Variants in LAPTM4B observed in about 807,000 individuals in gnomAD.
The protein encoded by LAPTM4B is lysosomal-associated transmembrane protein 4B.
LAPTM4B carries 26 observed loss-of-function variants against 28.5 expected under a neutral mutation model. That is an observed-to-expected ratio of 0.91 (90% CI 0.67 to 1.27). The LOEUF (loss-of-function observed/expected upper bound fraction) is 1.27, where lower values mean the gene tolerates loss of function less well. Among genes scored for constraint, LAPTM4B ranks in the 50% most tolerant of loss-of-function variants. The probability of loss-of-function intolerance (pLI) is 0.00; values close to 1 mark genes in which losing one functional copy is unlikely to be tolerated. For missense variants in LAPTM4B, 288 were observed against 285.8 expected (o/e 1.01, Z -0.06); for synonymous variants, 109 against 106.4 (o/e 1.02, Z -0.15).
At position 97,779,123 on chromosome 8, in the gene LAPTM4B, C is replaced by T. The variant is rs760761097; in HGVS notation, c.99+3015C>T. Among the ~76,000 whole-genome samples the T allele has an allele frequency of 2.6e-5, 4 of 152,028 alleles. No individual in the cohort carries two copies. In the East Asian group the frequency reaches 5.8e-4, roughly 22 times the overall value. ...AGTCCCAGCTTGAGTCCCAGGAGTT[C>T]GAAGCTGCAGTGAGCTGTGATTGCA... On this transcript the variant is annotated intron_variant, in intron 1 of 6. Transcript: ENST00000521545.
intron 1 of LAPTM4B, among the ~76,000 whole-genome samples, chr8:97,801,272 A>G (rs7844650): frequency 0.45 from 66,630 of 146,918 alleles, 15,215 homozygotes; most frequent in East Asian, 0.58. Context: ...TCCGCCCCCC[A>G]CTGGGTTCAA....
intron 2 of LAPTM4B, among the ~76,000 whole-genome samples, chr8:97,808,886 G>A (rs1430767696): frequency 1.3e-5 from 2 of 151,968 alleles, no homozygotes; most frequent in South Asian, 2.1e-4. Context: ...GCTTTAACCC[G>A]GGAGGCAGAG....
chr8:97,851,363 A>G (rs192294491), intron 6 of LAPTM4B, 34 bp from the exon 7 acceptor site: 6 of 1,538,746 alleles, frequency 3.9e-6, no homozygotes, highest in East Asian at 2.2e-5. Flanking sequence ...GTGCTCTTCA[A>G]ACATTAACTC....
intron 1 of LAPTM4B, among the ~76,000 whole-genome samples, chr8:97,795,448 C>G (rs919024596): frequency 6.6e-6 from 1 of 152,042 alleles, no homozygotes; most frequent in Non-Finnish European, 1.5e-5. Flanking sequence ...CATAAAAGGA[C>G]GTAAAATATA....
intron 6 of LAPTM4B, among the ~76,000 whole-genome samples, chr8:97,846,678 GTTAT>G (rs1817438768): frequency 6.6e-6 from 1 of 152,006 alleles, no homozygotes; most frequent in Non-Finnish European, 1.5e-5. Flanking sequence ...TGAGCATTTT[GTTAT>G]TTATTATTAT....
intron 1 of LAPTM4B, 75 bp downstream of exon 1, chr8:97,776,183 G>C: frequency 7.0e-7 from 1 of 1,421,264 alleles, no homozygotes; most frequent in Non-Finnish European, 9.3e-7. Context: ...CCGGCCTCGC[G>C]GTGGGGTGAG....
intron 6 of LAPTM4B, among the ~76,000 whole-genome samples, chr8:97,828,181 A>C (rs2512063): frequency 0.47 from 71,362 of 151,738 alleles, 17,046 homozygotes; most frequent in East Asian, 0.58. Flanking sequence ...TGAAGTATGG[A>C]GAAAATTTAT....
At chr8:97,791,953 A>C (rs1816503694) in intron 1 of LAPTM4B, among the ~76,000 whole-genome samples, 1 of 152,164 alleles carries the variant, frequency 6.6e-6, no homozygotes, top group Non-Finnish European at 1.5e-5. Context: ...AAGACGTCCT[A>C]AAAGGATGGT....
Position 97,797,232 on chromosome 8 carries a change from T to C in LAPTM4B, c.100-8121T>C, listed in dbSNP as rs543039783. 2.0e-5 allele frequency among the ~76,000 whole-genome samples: 3 copies of C among 152,152 alleles called. No homozygotes were observed. In the South Asian group the frequency reaches 6.2e-4, roughly 32 times the overall value. ...TCACTGAAACCTCTGCTTCCCAGGT[T>C]GAAGCGATTCTCCTGCCTCAGCCTT... is the stretch of plus-strand genomic sequence containing the variant. On this transcript the variant is annotated intron_variant, in intron 1 of 6. Coordinates refer to ENST00000521545, the MANE Select transcript of LAPTM4B (RefSeq NM_018407.6).
chr8:97,777,322 A>G (rs890677474), intron 1 of LAPTM4B, among the ~76,000 whole-genome samples: 1 of 151,106 alleles, frequency 6.6e-6, no homozygotes, highest in African/African-American at 2.4e-5. Flanking sequence ...AATTTTTTGT[A>G]TTTTTAGTAG....
Position 97,834,144 on chromosome 8 carries a change from G to GAA in LAPTM4B, c.603+9004_603+9005dup, listed in dbSNP as rs554058157. On this transcript the variant is annotated intron_variant, in intron 6 of 6. Coordinates refer to ENST00000521545, the MANE Select transcript of LAPTM4B (RefSeq NM_018407.6). ...ACATAGTGAGACCCCTGTCTCTACA[G>GAA]AAAAAAAAAAAAAATCCAGGTGGCA... Among the ~76,000 whole-genome samples, 25 of 75,344 alleles carry GAA rather than the reference G, an allele frequency of 3.3e-4. 6 individuals are homozygous for GAA. The highest frequency in any genetic ancestry group is 5.7e-4 in the Non-Finnish European group (19 of 33,076). The allele number at this position is 75,344 out of a possible 152,430, so 49.4% of individuals were successfully genotyped here. A position where few individuals can be genotyped will look rare whatever the true frequency, so the allele number is the denominator to read the frequency against.
rs546425169 is a variant in LAPTM4B at position 97,800,484 on chromosome 8, C to CTTTTTTTTTTTTTTTTTTTTTTTT, written c.100-4865_100-4842dup. Reference sequence around the variant, plus strand: ...CTTCTGTAATATTACCCCTTGACCTCTTTTTTTTTTTTTTTTTTTTTTTTT... The same window carrying CTTTTTTTTTTTTTTTTTTTTTTTT: ...CTTCTGTAATATTACCCCTTGACCTCTTTTTTTTTTTTTTTTTTTTTTTTTTTTTTTTTTTTTTTTTTTTTTTTT... On this transcript the variant is annotated intron_variant, in intron 1 of 6. Transcript: ENST00000521545. 1.2e-4 allele frequency among the ~76,000 whole-genome samples: 8 copies of CTTTTTTTTTTTTTTTTTTTTTTTT among 69,328 alleles called. 1 individual carries two copies. Among genetic ancestry groups the CTTTTTTTTTTTTTTTTTTTTTTTT allele is most frequent in the African/African-American group, 6.0e-4 (8 of 13,394 alleles). The allele number at this position is 69,328 out of a possible 152,430, so 45.5% of individuals were successfully genotyped here. A position where few individuals can be genotyped will look rare whatever the true frequency, so the allele number is the denominator to read the frequency against.
At chr8:97,815,184 T>C in intron 2 of LAPTM4B, 144 bp from the exon 3 acceptor site, 1 of 646,600 alleles carries the variant, frequency 1.5e-6, no homozygotes, top group East Asian at 2.7e-5. Context: ...CCTTTTTCTA[T>C]TTTGAAATAA....
In LAPTM4B at chr8:97,826,436, C is replaced by A. The variant is rs145328959; in HGVS notation, c.603+1283C>A. Among the ~76,000 whole-genome samples, 58 of 152,328 alleles carry A rather than the reference C, an allele frequency of 3.8e-4. No homozygotes were observed. The East Asian group carries it at 0.011, about 28-fold the overall frequency. On this transcript the variant is annotated intron_variant, in intron 6 of 6. Transcript: ENST00000521545. ...CTGTAACTCTCTTTGAAAGAAATATCTATTCAAAATTTTCGTGATTTTGAT... is the reference window on the plus strand; with the variant it reads ...CTGTAACTCTCTTTGAAAGAAATATATATTCAAAATTTTCGTGATTTTGAT...
intron 1 of LAPTM4B, among the ~76,000 whole-genome samples, chr8:97,777,227 G>A (rs1379266463): frequency 1.5e-5 from 2 of 133,480 alleles, no homozygotes; most frequent in African/African-American, 5.7e-5. Flanking sequence ...GCTCACTGCA[G>A]CCTTCGCCTC....
intron 1 of LAPTM4B, among the ~76,000 whole-genome samples, chr8:97,785,375 G>A (rs1391024481): frequency 6.6e-6 from 1 of 151,994 alleles, no homozygotes; most frequent in African/African-American, 2.4e-5. Flanking sequence ...ACACTTTTAT[G>A]GTAAATGTTC....
intron 1 of LAPTM4B, among the ~76,000 whole-genome samples, chr8:97,792,738 C>G (rs1056696901): frequency 6.6e-6 from 1 of 152,062 alleles, no homozygotes; most frequent in East Asian, 1.9e-4. Flanking sequence ...TGGCACCACA[C>G]GTGGCTGTTT....
chr8:97,787,146 A>G lies in LAPTM4B; in HGVS notation c.99+11038A>G, dbSNP rs1816415737. Among the ~76,000 whole-genome samples, 3 of 152,042 alleles carry G rather than the reference A, an allele frequency of 2.0e-5. No homozygotes were observed. In the South Asian group the frequency reaches 6.2e-4, roughly 32 times the overall value. The stretch of plus-strand genomic sequence containing the variant: ...TGTGTCCTGGCCTGCTGTAAGGGAG[A>G]AAGGGGTATCTGGAGGACAAGGAGC... On this transcript the variant is annotated intron_variant, in intron 1 of 6. Transcript: ENST00000521545.
intron 1 of LAPTM4B, among the ~76,000 whole-genome samples, chr8:97,794,392 G>A (rs533036469): frequency 3.3e-5 from 5 of 152,232 alleles, no homozygotes; most frequent in Admixed American, 6.5e-5. Context: ...GATTGCAAGC[G>A]TGAACCACCA....
Sources: gnomAD v4.1 joint callset for allele counts (sites outside exome capture counted in the v4.1 genomes callset) on GRCh38, gnomAD v4.1.1 for gene constraint, MANE v1.5 for transcripts, NCBI Gene and HGNC (gene_info 2026-07-23, HGNC 2026-07-21) for gene names.